Variants in MUCL3 observed in about 807,000 individuals in gnomAD.
MUCL3 encodes mucin-like protein 3.
A neutral mutation model predicts 70.2 loss-of-function variants in MUCL3; 42 were observed. That is an observed-to-expected ratio of 0.60 (90% CI 0.47 to 0.77). The LOEUF (loss-of-function observed/expected upper bound fraction) is 0.77. Among genes scored for constraint, MUCL3 ranks in the 30% least tolerant of loss-of-function variants. The pLI is 0.00. For missense variants in MUCL3, 1,429 were observed against 1,670.0 expected (o/e 0.86, Z 2.52); for synonymous variants, 522 against 647.0 (o/e 0.81, Z 2.93).
At chr6:30,943,305 C>A (rs531940562) in intron 1 of MUCL3, among the ~76,000 whole-genome samples, 1 of 152,250 alleles carries the variant, frequency 6.6e-6, no homozygotes, top group East Asian at 1.9e-4. Context: ...CAGATTAAAT[C>A]ATCACAGAGA....
At chr6:30,942,919 TGGGGAGGACAA>T (rs1331486038) in intron 1 of MUCL3, among the ~76,000 whole-genome samples, 1 of 147,208 alleles carries the variant, frequency 6.8e-6, no homozygotes, top group Non-Finnish European at 1.5e-5. Flanking sequence ...GAGGGAGGGG[TGGGGAGGACAA>T]GGGGAGCTGG....
At chr6:30,942,368 G>C (rs1345097629) in intron 1 of MUCL3, among the ~76,000 whole-genome samples, 1 of 152,146 alleles carries the variant, frequency 6.6e-6, no homozygotes. Flanking sequence ...TTGGAGGAGG[G>C]TCTCCACAAG....
chr6:30,951,075 A>C lies in MUCL3; in HGVS notation c.2611A>C (p.Asn871His). ...TENREWTANE[N>H]TTLSPAEPTE... ...AAATAGAGAATGGACAGCCAATGAG[A>C]ACACCACACTATCCCCAGCAGAGCC... Residue 871 changes from asparagine to histidine, a missense_variant, in exon 2 of 3, where the codon AAC (asparagine) becomes CAC (histidine). Coordinates refer to ENST00000462446, the MANE Select transcript of MUCL3 (RefSeq NM_080870.4). 1 of 1,552,064 alleles carries C rather than the reference A, an allele frequency of 6.4e-7. No individual in the cohort carries two copies. The highest frequency in any genetic ancestry group is 8.7e-7 in the Non-Finnish European group (1 of 1,147,082).
chr6:30,948,986 C>G lies in MUCL3; in HGVS notation c.522C>G (p.Gly174=). The G allele has an allele frequency of 6.4e-7, 1 of 1,551,636 alleles. No individual in the cohort carries two copies. Among genetic ancestry groups the G allele is most frequent in the Non-Finnish European group, 8.7e-7 (1 of 1,146,992 alleles). Residue 174 remains glycine, a synonymous_variant, in exon 2 of 3, where the codon GGC becomes GGG. Coordinates refer to ENST00000462446, the MANE Select transcript of MUCL3 (RefSeq NM_080870.4). ...SKINCRKSTT[G]KSTVTRKSDK... Reference sequence around the variant, plus strand: ...TAAACTGTCGTAAGTCCACAACAGGCAAATCAACGGTAACAAGAAAATCAG... The same window carrying G: ...TAAACTGTCGTAAGTCCACAACAGGGAAATCAACGGTAACAAGAAAATCAG...
At chr6:30,947,780 T>A (rs887849538) in intron 1 of MUCL3, among the ~76,000 whole-genome samples, 1 of 151,758 alleles carries the variant, frequency 6.6e-6, no homozygotes, top group African/African-American at 2.4e-5. Flanking sequence ...GGGGACCCAG[T>A]GGGGTGACCA....
Position 30,949,050 on chromosome 6 carries a change from T to C in MUCL3, c.586T>C (p.Leu196=). 1 of 1,551,478 alleles carries C rather than the reference T, an allele frequency of 6.4e-7. No homozygotes were observed. Among genetic ancestry groups the C allele is most frequent in the Non-Finnish European group, 8.7e-7 (1 of 1,146,940 alleles). ...GRPLEKSMST[L]DKTSTSSHKT... The stretch of plus-strand genomic sequence containing the variant: ...ACCTTTGGAAAAGTCCATGAGTACT[T>C]TGGATAAGACAAGTACCAGCTCACA... Residue 196 remains leucine (L), a synonymous_variant, in exon 2 of 3, where the codon TTG becomes CTG. Transcript: ENST00000462446.
At position 30,948,755 on chromosome 6, in the gene MUCL3, C is replaced by T; in HGVS notation, c.291C>T (p.Asp97=). 1 of 1,551,594 alleles carries T rather than the reference C, an allele frequency of 6.4e-7. No individual in the cohort carries two copies. The highest frequency in any genetic ancestry group is 8.7e-7 in the Non-Finnish European group (1 of 1,146,972). Residue 97 remains aspartate, a synonymous_variant, in exon 2 of 3, where the codon GAC becomes GAT. Transcript: ENST00000462446. ...CNTTRHSKPT[D]KPTGNSKTID... is the part of the protein sequence containing the mutation. ...CCACACGCCATTCTAAGCCAACTGA[C>T]AAGCCTACAGGCAACTCCAAAACTA...
Position 30,953,289 on chromosome 6 carries a change from G to A in MUCL3, c.*172G>A. Reference sequence around the variant, plus strand: ...AACTGGTTGGGGAATGAGGTGATAAGCAAGGAGGGTGTAAGTTTAGGGGAC... The same window carrying A: ...AACTGGTTGGGGAATGAGGTGATAAACAAGGAGGGTGTAAGTTTAGGGGAC... On this transcript the variant is annotated 3_prime_UTR_variant, in exon 3 of 3. Coordinates refer to ENST00000462446, the MANE Select transcript of MUCL3 (RefSeq NM_080870.4). 1.1e-6 allele frequency: 1 copy of A among 937,184 alleles called. No homozygotes were observed. The highest frequency in any genetic ancestry group is 1.6e-6 in the Non-Finnish European group (1 of 645,152). The allele number at this position is 937,184 out of a possible 1,614,324, so 58.1% of individuals were successfully genotyped here.
At chr6:30,942,767 A>AC (rs1223763071) in intron 1 of MUCL3, among the ~76,000 whole-genome samples, 1 of 152,000 alleles carries the variant, frequency 6.6e-6, no homozygotes, top group African/African-American at 2.4e-5. Flanking sequence ...AGGAAGAGGA[A>AC]CCTGCAGGGG....
At chr6:30,952,842 T>C in intron 2 of MUCL3, 129 bp from the exon 3 acceptor site, 3 of 1,297,432 alleles carry the variant, frequency 2.3e-6, no homozygotes, top group Non-Finnish European at 3.2e-6. Context: ...CTCATTGTAT[T>C]GGACCTGGAG....
In MUCL3 at chr6:30,950,701, G is replaced by C. The variant is rs1760618908; in HGVS notation, c.2237G>C (p.Arg746Thr). ...FPAEPTENRE[R>T]TANENTTPSP... ...GCAGAGCCTACAGAAAATAGAGAAA[G>C]GACAGCCAATGAGAACACCACACCA... Residue 746 changes from arginine (R) to threonine (T), a missense_variant, in exon 2 of 3, where the codon AGG becomes ACG. Physicochemically the swap from Arg to Thr is moderately conservative, Grantham distance 71. Coordinates refer to ENST00000462446, the MANE Select transcript of MUCL3 (RefSeq NM_080870.4). 3 of 1,549,306 alleles carry C rather than the reference G, an allele frequency of 1.9e-6. No individual in the cohort carries two copies. Among genetic ancestry groups the C allele is most frequent in the Non-Finnish European group, 2.6e-6 (3 of 1,146,576 alleles).
intron 2 of MUCL3, 125 bp downstream of exon 2, chr6:30,952,624 G>C: frequency 1.8e-6 from 2 of 1,091,782 alleles, no homozygotes; most frequent in Non-Finnish European, 2.6e-6. Context: ...GGGAGGAACA[G>C]TAATAGAGGG....
intron 1 of MUCL3, among the ~76,000 whole-genome samples, chr6:30,941,593 G>A (rs538730991): frequency 2.1e-5 from 3 of 144,998 alleles, no homozygotes; most frequent in South Asian, 2.1e-4. Context: ...CTGGGTAACT[G>A]GGATTACAGG....
rs144136339 is a variant in MUCL3 at position 30,949,051 on chromosome 6, T to C, written c.587T>C (p.Leu196Ser). ...CCTTTGGAAAAGTCCATGAGTACTTTGGATAAGACAAGTACCAGCTCACAT... is the reference window on the plus strand; with the variant it reads ...CCTTTGGAAAAGTCCATGAGTACTTCGGATAAGACAAGTACCAGCTCACAT... ...GRPLEKSMST[L>S]DKTSTSSHKT... The change falls in exon 2 of 3, where the codon TTG becomes TCG. Residue 196 changes from leucine (L) to serine (S), a missense_variant. Leu to Ser is a moderately radical substitution (Grantham distance 145). Transcript: ENST00000462446. The C allele has an allele frequency of 3.9e-4, 601 of 1,551,464 alleles. 5 individuals carry two copies. In the African/African-American group the frequency reaches 7.0e-3, roughly 18 times the overall value.
rs1281809194 is a variant in MUCL3, at chr6:30,952,013, C to T, written c.3549C>T (p.Thr1183=). 1 of 1,612,148 alleles carries T rather than the reference C, an allele frequency of 6.2e-7. No homozygotes were observed. The highest frequency in any genetic ancestry group is 1.1e-5 in the South Asian group (1 of 91,002). The change falls in exon 2 of 3, where the codon ACC becomes ACT. Residue 1183 remains threonine, a synonymous_variant. Coordinates refer to ENST00000462446, the MANE Select transcript of MUCL3 (RefSeq NM_080870.4). ...CAACCACAGAGAAAACCACAAGAAC[C>T]CCAGAAAAGCCTACGCTATACTCAG... is the stretch of plus-strand genomic sequence containing the variant. ...TTSTTEKTTR[T]PEKPTLYSEK... is the part of the protein sequence containing the mutation.
intron 1 of MUCL3, among the ~76,000 whole-genome samples, chr6:30,947,165 G>A (rs916778186): frequency 7.2e-5 from 11 of 152,116 alleles, no homozygotes; most frequent in African/African-American, 1.9e-4. Flanking sequence ...TCCTGGGGCC[G>A]GGGAAGGTGT....
Position 30,952,118 on chromosome 6 carries a change from C to A in MUCL3, c.3654C>A (p.Thr1218=). Residue 1218 remains threonine (T), a synonymous_variant, in exon 2 of 3, where the codon ACC becomes ACA. Coordinates refer to ENST00000462446, the MANE Select transcript of MUCL3 (RefSeq NM_080870.4). ...AAAACCTGGGGAACACCACACTGACCACTGAGACCATAAAAGCCCCAGTAA... is the reference window on the plus strand; with the variant it reads ...AAAACCTGGGGAACACCACACTGACAACTGAGACCATAAAAGCCCCAGTAA... ...PTENLGNTTL[T]TETIKAPVKS... is the part of the protein sequence containing the mutation. The A allele has an allele frequency of 6.2e-7, 1 of 1,612,114 alleles. No homozygotes were observed. The highest frequency in any genetic ancestry group is 1.1e-5 in the South Asian group (1 of 90,880).
Position 30,953,226 on chromosome 6 carries a change from C to T in MUCL3, c.*109C>T. ...GGGACTACAGGAAGGGCAGAGAATA[C>T]TGACGGTTACCAGTATTAACCCTTC... On this transcript the variant is annotated 3_prime_UTR_variant, in exon 3 of 3. Transcript: ENST00000462446. The T allele has an allele frequency of 6.8e-7, 1 of 1,461,528 alleles. No homozygotes were observed. Among genetic ancestry groups the T allele is most frequent in the Non-Finnish European group, 9.1e-7 (1 of 1,098,658 alleles). 90.5% of individuals were successfully genotyped at this position (1,461,528 alleles called of 1,614,324 possible).
chr6:30,948,356 G>A (rs1760403728), intron 1 of MUCL3, among the ~76,000 whole-genome samples, 191 bp from the exon 2 acceptor site: 2 of 152,176 alleles, frequency 1.3e-5, no homozygotes, highest in Non-Finnish European at 2.9e-5. Flanking sequence ...GAGGTGGCAT[G>A]CTTGCTGAAG....
Sources: allele counts gnomAD v4.1 joint callset (sites outside exome capture counted in the v4.1 genomes callset), GRCh38; gene constraint gnomAD v4.1.1; transcripts MANE v1.5; gene names NCBI Gene and HGNC (gene_info 2026-07-23, HGNC 2026-07-21).